The following BCKDHB variants were observed in gnomAD, a reference collection of about 807,000 sequenced individuals.
The protein encoded by BCKDHB is 2-oxoisovalerate dehydrogenase subunit beta, mitochondrial.
A neutral mutation model predicts 48.5 loss-of-function variants in BCKDHB; 41 were observed. That is an observed-to-expected ratio of 0.85 (90% CI 0.66 to 1.10). The LOEUF (loss-of-function observed/expected upper bound fraction) is 1.10, where lower values mean the gene tolerates loss of function less well. BCKDHB is among the 50% of genes least tolerant of loss of function. The probability of loss-of-function intolerance (pLI) is 0.00; values close to 1 mark genes in which losing one functional copy is unlikely to be tolerated. For missense variants in BCKDHB, 496 were observed against 494.2 expected (o/e 1.00, Z -0.03); for synonymous variants, 201 against 174.8 (o/e 1.15, Z -1.18).
chr6:80,159,982 A>T (rs73750065), intron 3 of BCKDHB, among the ~76,000 whole-genome samples: 2,841 of 152,328 alleles, frequency 0.019, 80 homozygotes, highest in African/African-American at 0.065. Flanking sequence ...GAAATCCATA[A>T]TGGAAAGAAG....
At chr6:80,305,408 T>C (rs1271016756) in intron 9 of BCKDHB, among the ~76,000 whole-genome samples, 6 of 151,908 alleles carry the variant, frequency 3.9e-5, no homozygotes, top group Non-Finnish European at 8.8e-5. Flanking sequence ...AGTGGGTTTT[T>C]TTTTGAAAAA....
At chr6:80,308,665 G>C (rs1039756882) in intron 9 of BCKDHB, among the ~76,000 whole-genome samples, 1 of 151,378 alleles carries the variant, frequency 6.6e-6, no homozygotes, top group African/African-American at 2.4e-5. Context: ...CGTGATCCCG[G>C]CTCACTGCAA....
At chr6:80,170,021 A>G in intron 5 of BCKDHB, 1 of 1,075,318 alleles carries the variant, frequency 9.3e-7, no homozygotes, top group Non-Finnish European at 1.2e-6. Flanking sequence ...TTCCTCCTTC[A>G]TTTTCTTTCT....
chr6:80,221,898 T>C (rs1446343294), intron 8 of BCKDHB, among the ~76,000 whole-genome samples: 2 of 152,368 alleles, frequency 1.3e-5, no homozygotes, highest in South Asian at 2.1e-4. Flanking sequence ...AATTCAGAAT[T>C]GGGCTTCCTA....
At chr6:80,271,327 C>T (rs1777733135) in intron 8 of BCKDHB, among the ~76,000 whole-genome samples, 1 of 152,084 alleles carries the variant, frequency 6.6e-6, no homozygotes. Context: ...TTAGTCATTC[C>T]TCTGCTGAGG....
chr6:80,122,978 G>GC (rs1462409476), intron 1 of BCKDHB, among the ~76,000 whole-genome samples: 1 of 40,390 alleles, frequency 2.5e-5, no homozygotes, highest in Non-Finnish European at 5.7e-5. Flanking sequence ...CTCCCCCCCG[G>GC]CCCCCCCAGG....
At chr6:80,235,517 G>C (rs933308373) in intron 8 of BCKDHB, among the ~76,000 whole-genome samples, 1 of 152,122 alleles carries the variant, frequency 6.6e-6, no homozygotes, top group Non-Finnish European at 1.5e-5. Context: ...CTTCTACAAA[G>C]TAGAAGAGAT....
chr6:80,436,824 T>C, the BCKDHB span, among the ~76,000 whole-genome samples: 1 of 152,242 alleles, frequency 6.6e-6, no homozygotes, highest in Non-Finnish European at 1.5e-5. Context: ...GACAGCATGA[T>C]TGCTTTTTCT....
the BCKDHB span, among the ~76,000 whole-genome samples, chr6:80,396,648 G>A: frequency 2.6e-5 from 4 of 152,112 alleles, no homozygotes; most frequent in Non-Finnish European, 4.4e-5. Context: ...ATTGAATCAC[G>A]GGGGCAGTTA....
intron 8 of BCKDHB, among the ~76,000 whole-genome samples, chr6:80,216,781 A>C (rs1038879057): frequency 1.3e-5 from 2 of 152,134 alleles, no homozygotes; most frequent in African/African-American, 4.8e-5. Flanking sequence ...CTCCCATTAA[A>C]CTGGTGCTTT....
At chr6:80,365,514 G>A in the BCKDHB span, among the ~76,000 whole-genome samples, 12 of 152,094 alleles carry the variant, frequency 7.9e-5, no homozygotes, top group African/African-American at 2.4e-4. Context: ...TCCGTTTATA[G>A]GCTCTCTGCA....
the BCKDHB span, among the ~76,000 whole-genome samples, chr6:80,364,927 C>T: frequency 6.6e-6 from 1 of 152,154 alleles, no homozygotes; most frequent in African/African-American, 2.4e-5. Flanking sequence ...AATTTTACAG[C>T]TGGGCTACTG....
intron 9 of BCKDHB, among the ~76,000 whole-genome samples, chr6:80,285,952 G>A (rs1168954588): frequency 6.6e-6 from 1 of 152,076 alleles, no homozygotes; most frequent in African/African-American, 2.4e-5. Context: ...CTCTGTGTGT[G>A]TGTGTATATG....
At chr6:80,432,976 G>T in the BCKDHB span, among the ~76,000 whole-genome samples, 2 of 152,144 alleles carry the variant, frequency 1.3e-5, no homozygotes, top group Non-Finnish European at 2.9e-5. Flanking sequence ...GTTTGCCTGG[G>T]TATCACCAGT....
chr6:80,256,377 G>A (rs1777052218), intron 8 of BCKDHB, among the ~76,000 whole-genome samples: 1 of 152,156 alleles, frequency 6.6e-6, no homozygotes, highest in Admixed American at 6.5e-5. Context: ...TGTGCGGCAT[G>A]TTGCTGTACT....
chr6:80,399,761 G>C, the BCKDHB span, among the ~76,000 whole-genome samples: 48 of 152,064 alleles, frequency 3.2e-4, no homozygotes, highest in Non-Finnish European at 5.6e-4. Flanking sequence ...AATTCTTAGG[G>C]AACCAAAAAT....
At chr6:80,315,425 C>G (rs77777019) in intron 9 of BCKDHB, among the ~76,000 whole-genome samples, 6,949 of 152,132 alleles carry the variant, frequency 0.046, 523 homozygotes, top group African/African-American at 0.16. Context: ...CATCACCTCA[C>G]CATACTTTTC....
the BCKDHB span, among the ~76,000 whole-genome samples, chr6:80,463,365 A>G: frequency 6.6e-6 from 1 of 152,128 alleles, no homozygotes; most frequent in Non-Finnish European, 1.5e-5. Context: ...TTGGCTACAT[A>G]TTTTTCTTTG....
chr6:80,106,808 G>T lies in BCKDHB; in HGVS notation c.115G>T (p.Ala39Ser), dbSNP rs914935376. 1 of 1,604,008 alleles carries T rather than the reference G, an allele frequency of 6.2e-7. No individual in the cohort carries two copies. Among genetic ancestry groups the T allele is most frequent in the Middle Eastern group, 1.8e-4 (1 of 5,582 alleles). ...GCTGGCGCGGGGCTTTTTGCACCCC[G>T]CCGCGACTGTCGAGGATGCGGCCCA... ...AGLARGFLHP[A>S]ATVEDAAQRR... The change falls in exon 1 of 10, where the codon GCC becomes TCC. Residue 39 changes from alanine (A) to serine (S), a missense_variant. Physicochemically the swap from Ala to Ser is moderately conservative, Grantham distance 99. Transcript: ENST00000320393.
Sources: gnomAD v4.1 joint callset for allele counts (sites outside exome capture counted in the v4.1 genomes callset) on GRCh38, gnomAD v4.1.1 for gene constraint, MANE v1.5 for transcripts, NCBI Gene and HGNC (gene_info 2026-07-23, HGNC 2026-07-21) for gene names.